Variants in MCC observed in about 807,000 individuals in gnomAD.
The protein encoded by MCC is MCC regulator of Wnt signaling pathway, also known as colorectal mutant cancer protein.
In MCC, 90 loss-of-function variants were observed where a neutral mutation model predicts 116.2. That is an observed-to-expected ratio of 0.77 (90% CI 0.65 to 0.92). The LOEUF (loss-of-function observed/expected upper bound fraction) is 0.92, where lower values mean the gene tolerates loss of function less well. Among genes scored for constraint, MCC ranks in the 40% least tolerant of loss-of-function variants. The pLI is 0.00. For missense variants in MCC, 1,516 were observed against 1,312.2 expected (o/e 1.16, Z -2.40); for synonymous variants, 578 against 510.5 (o/e 1.13, Z -1.78).
chr5:113,467,852 T>A (rs951649699), intron 1 of MCC, among the ~76,000 whole-genome samples: 7 of 152,232 alleles, frequency 4.6e-5, no homozygotes, highest in Non-Finnish European at 1.0e-4. Flanking sequence ...TATCCTCTTT[T>A]ATTTCATTGA....
Position 113,340,647 on chromosome 5 carries a change from C to A in MCC, c.499G>T (p.Ala167Ser), listed in dbSNP as rs1196272161. ...LQSPDVQSQS[A>S]LQKLLEYGGS... ...CCATACTCGAGCAGCTTCTGGAGGG[C>A]TGACTGGCTCTGCACATCCGGGCTC... The change falls in exon 3 of 19, where the codon GCC (alanine) becomes TCC (serine). Residue 167 changes from alanine to serine, a missense_variant. Physicochemically the swap from Ala to Ser is moderately conservative, Grantham distance 99 (BLOSUM62 1). Coordinates refer to ENST00000408903, the MANE Select transcript of MCC (RefSeq NM_001085377.2). 2 of 1,614,172 alleles carry A rather than the reference C, an allele frequency of 1.2e-6. No homozygotes were observed. The highest frequency in any genetic ancestry group is 3.3e-5 in the Admixed American group (2 of 60,014).
At chr5:113,094,311 C>T (rs958406307) in intron 8 of MCC, among the ~76,000 whole-genome samples, 15 of 151,746 alleles carry the variant, frequency 9.9e-5, no homozygotes, top group South Asian at 8.3e-4. Flanking sequence ...TTCCATCTCT[C>T]GGTAAGTTTG....
At chr5:113,188,645 C>A (rs1400343438) in intron 3 of MCC, among the ~76,000 whole-genome samples, 3 of 152,256 alleles carry the variant, frequency 2.0e-5, no homozygotes, top group South Asian at 2.1e-4. Flanking sequence ...CCACATCTAA[C>A]CTGAATGTCA....
chr5:113,241,426 T>C (rs1298954034), intron 3 of MCC, among the ~76,000 whole-genome samples: 2 of 152,162 alleles, frequency 1.3e-5, no homozygotes, highest in Non-Finnish European at 2.9e-5. Flanking sequence ...ACGGAGGAGA[T>C]ACCAAGAAAA....
At chr5:113,091,705 G>A (rs1026792677) in intron 8 of MCC, among the ~76,000 whole-genome samples, 3 of 152,054 alleles carry the variant, frequency 2.0e-5, no homozygotes, top group Middle Eastern at 3.2e-3. Context: ...AATAGCGCAA[G>A]ACCCTGTCTC....
intron 1 of MCC, among the ~76,000 whole-genome samples, chr5:113,466,044 C>G (rs1049615171): frequency 6.6e-6 from 1 of 151,954 alleles, no homozygotes; most frequent in Non-Finnish European, 1.5e-5. Flanking sequence ...TCAAGCGATT[C>G]CCCTGCCTCA....
chr5:113,484,372 A>T (rs1170645640), intron 1 of MCC, among the ~76,000 whole-genome samples: 1 of 152,234 alleles, frequency 6.6e-6, no homozygotes, highest in East Asian at 1.9e-4. Context: ...ATACATGAAC[A>T]TACCACTGTT....
intron 3 of MCC, among the ~76,000 whole-genome samples, chr5:113,217,914 C>G (rs933832159): frequency 6.6e-6 from 1 of 152,106 alleles, no homozygotes; most frequent in Non-Finnish European, 1.5e-5. Flanking sequence ...CTTTCCTCTT[C>G]CAACACATTT....
intron 1 of MCC, among the ~76,000 whole-genome samples, chr5:113,420,207 AT>A (rs1252862396): frequency 6.7e-6 from 1 of 148,750 alleles, no homozygotes; most frequent in Non-Finnish European, 1.5e-5. Context: ...TAAATCTTAA[AT>A]ATAAGATTAG....
intron 3 of MCC, among the ~76,000 whole-genome samples, chr5:113,301,295 A>T (rs1766855871): frequency 6.6e-6 from 1 of 152,056 alleles, no homozygotes; most frequent in African/African-American, 2.4e-5. Context: ...GAGAAACCCC[A>T]TCTCTACTAA....
In MCC at chr5:113,434,273, G is replaced by A; in HGVS notation, c.171-49061C>T. 1 of 1,614,196 alleles carries A rather than the reference G, an allele frequency of 6.2e-7. No homozygotes were observed. The highest frequency in any genetic ancestry group is 8.5e-7 in the Non-Finnish European group (1 of 1,180,026). On this transcript the variant is annotated intron_variant, in intron 1 of 18. Transcript: ENST00000408903. This position sits in a 1 kb window ranked among gnomAD's most constrained non-coding sequence, Gnocchi z 4.2. ...CGTACACCTTGGGCTGGTAGGGAAT[G>A]CCCTGCAGCACCTCTGGGGCCGCAT...
At position 113,024,391 on chromosome 5, in the gene MCC, G is replaced by A. The variant is rs1580858835; in HGVS notation, c.*2911C>T. On this transcript the variant is annotated 3_prime_UTR_variant, in exon 19 of 19. Coordinates refer to ENST00000408903, the MANE Select transcript of MCC (RefSeq NM_001085377.2). ...TCACACTGATGGCACTCGCAACTAC[G>A]GACAGAAGTCTCTTTTGCTTGTGAT... 2.0e-5 allele frequency: 3 copies of A among 152,152 alleles called. No homozygotes were observed. The highest frequency in any genetic ancestry group is 2.9e-5 in the Non-Finnish European group (2 of 68,024). The allele number at this position is 152,152 out of a possible 1,614,324, so 9.4% of individuals were successfully genotyped here.
chr5:113,236,515 A>T (rs189925326), intron 3 of MCC, among the ~76,000 whole-genome samples: 3 of 152,314 alleles, frequency 2.0e-5, no homozygotes, highest in Non-Finnish European at 4.4e-5. Flanking sequence ...CATCTGAAAA[A>T]TGGGGATAAT....
chr5:113,049,134 G>A lies in MCC; in HGVS notation c.2614C>T (p.Leu872Phe), dbSNP rs1752317502. Residue 872 changes from leucine (L) to phenylalanine (F), a missense_variant, in exon 16 of 19, where the codon CTC becomes TTC. Coordinates refer to ENST00000408903, the MANE Select transcript of MCC (RefSeq NM_001085377.2). ...TTGCTGCCGCTGCTGGTGGAGCTGA[G>A]GGATCGCATCCGCTGCTCCTTCTGC... is the stretch of plus-strand genomic sequence containing the variant. ...EEQKEQRMRSLSSTSSGSKDK... is the reference protein window; with the variant it reads ...EEQKEQRMRSFSSTSSGSKDK... 2 of 1,614,070 alleles carry A rather than the reference G, an allele frequency of 1.2e-6. No homozygotes were observed. Among genetic ancestry groups the A allele is most frequent in the African/African-American group, 1.3e-5 (1 of 74,950 alleles).
At chr5:113,486,320 G>C (rs348951) in intron 1 of MCC, among the ~76,000 whole-genome samples, 104,645 of 152,054 alleles carry the variant, frequency 0.69, 36,431 homozygotes, top group East Asian at 0.88. Flanking sequence ...TTCCACTTTT[G>C]CCCCAGCCAG....
intron 3 of MCC, among the ~76,000 whole-genome samples, chr5:113,219,144 C>T (rs868660946): frequency 3.9e-5 from 6 of 152,088 alleles, no homozygotes; most frequent in Admixed American, 6.5e-5. Flanking sequence ...ATAAAACACC[C>T]GAGAAGATAA....
At chr5:113,467,424 C>T (rs1771941857) in intron 1 of MCC, among the ~76,000 whole-genome samples, 1 of 152,056 alleles carries the variant, frequency 6.6e-6, no homozygotes, top group Admixed American at 6.5e-5. Flanking sequence ...TTTCCCAGCA[C>T]CATTTATTAA....
At chr5:113,481,844 C>A (rs537089302) in intron 1 of MCC, among the ~76,000 whole-genome samples, 30 of 152,270 alleles carry the variant, frequency 2.0e-4, no homozygotes, top group African/African-American at 7.0e-4. Flanking sequence ...ATTCACAGAG[C>A]TGTAAAACTA....
At chr5:113,216,412 G>A (rs1345261350) in intron 3 of MCC, among the ~76,000 whole-genome samples, 1 of 152,144 alleles carries the variant, frequency 6.6e-6, no homozygotes, top group Non-Finnish European at 1.5e-5. Flanking sequence ...GTCTTTCTAA[G>A]ATGGTTCCCA....
Sources: allele counts gnomAD v4.1 joint callset (sites outside exome capture counted in the v4.1 genomes callset), GRCh38; gene constraint gnomAD v4.1.1; non-coding constraint Gnocchi (gnomAD v3.1); transcripts MANE v1.5; gene names NCBI Gene and HGNC (gene_info 2026-07-23, HGNC 2026-07-21).